The following GPHN variants were observed in gnomAD, a reference collection of about 807,000 sequenced individuals.
GPHN encodes the protein gephyrin.
In GPHN, 17 loss-of-function variants were observed where a neutral mutation model predicts 95.5. The ratio of observed to expected loss-of-function variants is 0.18; its 90% CI spans 0.12 to 0.27. The LOEUF (loss-of-function observed/expected upper bound fraction) is 0.27, where lower values mean the gene tolerates loss of function less well. Ranked by LOEUF, GPHN falls within the 10% of genes least tolerant of loss-of-function variation. The pLI is 1.00. For missense variants in GPHN, 660 were observed against 978.1 expected (o/e 0.67, Z 4.34); for synonymous variants, 320 against 322.5 (o/e 0.99, Z 0.08).
chr14:66,681,062 G>A (rs2066906945), intron 1 of GPHN, 45 bp from the exon 2 acceptor site: 2 of 1,129,054 alleles, frequency 1.8e-6, no homozygotes, highest in Admixed American at 1.7e-5. Flanking sequence ...TAAATGAAAT[G>A]TAGACAAAAA....
chr14:66,971,846 A>G (rs892825432), intron 9 of GPHN, among the ~76,000 whole-genome samples: 4 of 147,770 alleles, frequency 2.7e-5, no homozygotes, highest in Admixed American at 2.0e-4. Context: ...ATATTTTGTT[A>G]TATTATATCA....
intron 5 of GPHN, among the ~76,000 whole-genome samples, chr14:66,910,358 T>G (rs2153554886): frequency 6.6e-6 from 1 of 152,098 alleles, no homozygotes; most frequent in East Asian, 1.9e-4. Context: ...TTGCTTTATA[T>G]CTGTCATCTA....
intron 1 of GPHN, among the ~76,000 whole-genome samples, chr14:66,545,388 C>T (rs1272329204): frequency 3.0e-5 from 4 of 133,570 alleles, no homozygotes; most frequent in Non-Finnish European, 1.6e-5. Context: ...GGGGGGCTGA[C>T]CCCCCCACCT....
intron 13 of GPHN, among the ~76,000 whole-genome samples, chr14:67,108,406 T>C (rs1227135049): frequency 3.3e-5 from 5 of 152,210 alleles, no homozygotes; most frequent in Non-Finnish European, 7.4e-5. Context: ...CTGGTTAAAA[T>C]AGTCCATAGA....
intron 3 of GPHN, among the ~76,000 whole-genome samples, chr14:66,782,721 C>G (rs980172837): frequency 1.3e-5 from 2 of 151,934 alleles, no homozygotes; most frequent in Admixed American, 6.6e-5. Flanking sequence ...TCCCAGCTAC[C>G]TGAGAGGCTG....
At chr14:67,089,757 A>G (rs2077072679) in intron 12 of GPHN, among the ~76,000 whole-genome samples, 1 of 152,186 alleles carries the variant, frequency 6.6e-6, no homozygotes, top group Admixed American at 6.5e-5. Flanking sequence ...TCTAGAAGAC[A>G]TCATATTTCA....
At chr14:66,807,010 C>T (rs113227482) in intron 3 of GPHN, among the ~76,000 whole-genome samples, 115 of 152,108 alleles carry the variant, frequency 7.6e-4, no homozygotes, top group African/African-American at 2.3e-3. Flanking sequence ...ACCCGAGACT[C>T]GGCAATTTAC....
the GPHN span, chr14:67,557,428 C>T: frequency 3.1e-6 from 5 of 1,611,442 alleles, no homozygotes; most frequent in Non-Finnish European, 4.2e-6. Flanking sequence ...GGTAAGGGCT[C>T]ATGCGCAAGG....
rs114502702 is a variant in GPHN, at chr14:66,702,572, T to C, written c.143+21387T>C. Among the ~76,000 whole-genome samples the C allele has an allele frequency of 5.5e-3, 833 of 151,972 alleles. 3 individuals are homozygous for C. Among genetic ancestry groups the C allele is most frequent in the African/African-American group, 0.019 (795 of 41,436 alleles). On this transcript the variant is annotated intron_variant, in intron 2 of 22. Coordinates refer to ENST00000478722, the MANE Select transcript of GPHN (RefSeq NM_020806.5). ...CCATATAGAAGAGGGACCTGACCAT[T>C]GAAAAACAATTAAAGAGAAAACAAC...
At chr14:67,144,247 AAAAATAT>A (rs1454722778) in intron 18 of GPHN, among the ~76,000 whole-genome samples, 17 of 68,528 alleles carry the variant, frequency 2.5e-4, no homozygotes, top group Admixed American at 3.9e-4. Flanking sequence ...AAAAAAAAAA[AAAAATAT>A]ATATATATAT....
At chr14:67,303,952 G>A in the GPHN span, 1 of 206,768 alleles carries the variant, frequency 4.8e-6, no homozygotes, top group African/African-American at 2.3e-5. Context: ...ATTTTTGGTA[G>A]AGACAGGGTT....
At chr14:67,715,881 T>A in the GPHN span, among the ~76,000 whole-genome samples, 1 of 152,168 alleles carries the variant, frequency 6.6e-6, no homozygotes, top group Non-Finnish European at 1.5e-5. Flanking sequence ...CTTATTTCTG[T>A]CCCTGAGCTG....
chr14:67,279,597 A>G, the GPHN span: 1 of 1,436,278 alleles, frequency 7.0e-7, no homozygotes, highest in African/African-American at 1.4e-5. Context: ...GTGCCTTATA[A>G]TGTATATGAG....
the GPHN span, among the ~76,000 whole-genome samples, chr14:67,489,613 C>T: frequency 1.3e-5 from 2 of 152,212 alleles, no homozygotes; most frequent in African/African-American, 4.8e-5. Flanking sequence ...GATGCCGTCC[C>T]ACAACCTCCA....
chr14:67,512,055 G>A, the GPHN span, among the ~76,000 whole-genome samples: 3 of 152,314 alleles, frequency 2.0e-5, no homozygotes, highest in Admixed American at 6.5e-5. Context: ...ATTCTGGTAC[G>A]TAAATTCTGA....
the GPHN span, among the ~76,000 whole-genome samples, chr14:67,528,229 G>A: frequency 6.6e-6 from 1 of 152,164 alleles, no homozygotes; most frequent in African/African-American, 2.4e-5. Context: ...CAAGAACTGA[G>A]CTAGGTGCCA....
intron 4 of GPHN, among the ~76,000 whole-genome samples, chr14:66,873,078 C>T (rs985258981): frequency 2.0e-5 from 3 of 152,156 alleles, no homozygotes; most frequent in Admixed American, 6.5e-5. Context: ...ACTAGGTACA[C>T]GGCTCATATC....
At chr14:66,900,423 T>C (rs1340661834) in intron 5 of GPHN, among the ~76,000 whole-genome samples, 1 of 151,900 alleles carries the variant, frequency 6.6e-6, no homozygotes, top group African/African-American at 2.4e-5. Flanking sequence ...TTCATCTTAA[T>C]GTATCTTTTT....
rs151157142 is a variant in GPHN at position 67,097,422 on chromosome 14, A to G, written c.1238-3434A>G. On this transcript the variant is annotated intron_variant, in intron 12 of 22. Coordinates refer to ENST00000478722, the MANE Select transcript of GPHN (RefSeq NM_020806.5). ...ATAGCTAGAGTATAAGATATAAGGAAGACATGAACCAAGGCCTTTGCACAT... is the reference window on the plus strand; with the variant it reads ...ATAGCTAGAGTATAAGATATAAGGAGGACATGAACCAAGGCCTTTGCACAT... 9.3e-3 allele frequency among the ~76,000 whole-genome samples: 1,410 copies of G among 152,276 alleles called. 15 individuals are homozygous for G. The highest frequency in any genetic ancestry group is 0.013 in the Non-Finnish European group (874 of 68,020).
Sources: allele counts gnomAD v4.1 joint callset (sites outside exome capture counted in the v4.1 genomes callset), GRCh38; gene constraint gnomAD v4.1.1; transcripts MANE v1.5; gene names NCBI Gene and HGNC (gene_info 2026-07-23, HGNC 2026-07-21).